The following SLC24A2 variants were observed in gnomAD, a reference collection of about 807,000 sequenced individuals.
The protein encoded by SLC24A2 is sodium/potassium/calcium exchanger 2.
In SLC24A2, 36 loss-of-function variants were observed where a neutral mutation model predicts 62.0. That is an observed-to-expected ratio of 0.58 (90% CI 0.44 to 0.77). The LOEUF (loss-of-function observed/expected upper bound fraction) is 0.77. Ranked by LOEUF, SLC24A2 falls within the 30% of genes least tolerant of loss-of-function variation. The pLI, the probability that SLC24A2 is intolerant of heterozygous loss-of-function variation, is 0.00. For missense variants in SLC24A2, 846 were observed against 817.9 expected (o/e 1.03, Z -0.42); for synonymous variants, 358 against 294.0 (o/e 1.22, Z -2.23).
intron 2 of SLC24A2, among the ~76,000 whole-genome samples, chr9:19,778,949 G>A (rs550265066): frequency 1.3e-5 from 2 of 152,256 alleles, no homozygotes; most frequent in Non-Finnish European, 2.9e-5. Flanking sequence ...ACAATGAAAA[G>A]CTACCTAACA....
At chr9:20,156,633 A>G in the SLC24A2 span, among the ~76,000 whole-genome samples, 2 of 151,704 alleles carry the variant, frequency 1.3e-5, no homozygotes, top group Admixed American at 6.6e-5. Context: ...AGGGAAACTT[A>G]ATTTCCTTTT....
chr9:19,690,479 G>A (rs1190781484), intron 2 of SLC24A2, among the ~76,000 whole-genome samples: 1 of 152,122 alleles, frequency 6.6e-6, no homozygotes, highest in East Asian at 1.9e-4. Flanking sequence ...TTCCTCTGGG[G>A]ATGGTAAGCT....
chr9:19,611,900 C>T (rs771831492), intron 4 of SLC24A2, among the ~76,000 whole-genome samples: 68 of 152,118 alleles, frequency 4.5e-4, no homozygotes, highest in Non-Finnish European at 9.0e-4. Context: ...ATCTGAGAAG[C>T]ATGACACTTG....
chr9:20,196,229 C>T, the SLC24A2 span, among the ~76,000 whole-genome samples: 1 of 152,118 alleles, frequency 6.6e-6, no homozygotes, highest in African/African-American at 2.4e-5. Context: ...CATCTTTTTA[C>T]AGTTTACCTT....
the SLC24A2 span, among the ~76,000 whole-genome samples, chr9:20,059,166 T>A: frequency 3.9e-5 from 6 of 152,188 alleles, no homozygotes; most frequent in East Asian, 7.7e-4. Context: ...AATTCCAAGA[T>A]GAGAAGATTA....
the SLC24A2 span, among the ~76,000 whole-genome samples, chr9:20,261,523 G>A: frequency 6.6e-6 from 1 of 152,054 alleles, no homozygotes; most frequent in Non-Finnish European, 1.5e-5. Flanking sequence ...ATTCATGAGG[G>A]CGCCGCCCTC....
At chr9:19,542,843 T>A (rs964663469) in intron 8 of SLC24A2, among the ~76,000 whole-genome samples, 1 of 152,186 alleles carries the variant, frequency 6.6e-6, no homozygotes, top group African/African-American at 2.4e-5. Flanking sequence ...TTTGCCAGTA[T>A]TTTATTGGGG....
the SLC24A2 span, among the ~76,000 whole-genome samples, chr9:20,201,112 CAG>C: frequency 6.6e-6 from 1 of 152,176 alleles, no homozygotes; most frequent in Non-Finnish European, 1.5e-5. Context: ...GAGTGGGACA[CAG>C]AGCTGGAATG....
the SLC24A2 span, among the ~76,000 whole-genome samples, chr9:20,018,504 C>G: frequency 6.6e-6 from 1 of 152,162 alleles, no homozygotes; most frequent in South Asian, 2.1e-4. Flanking sequence ...TCTTCTCCTT[C>G]TCCTCCTCCA....
At chr9:19,565,067 T>C (rs201516718) in intron 7 of SLC24A2, among the ~76,000 whole-genome samples, 1 of 152,086 alleles carries the variant, frequency 6.6e-6, no homozygotes, top group African/African-American at 2.4e-5. Flanking sequence ...CAGGGATGTC[T>C]TCTCTCACCA....
At chr9:19,552,327 T>C (rs746686589) in intron 7 of SLC24A2, among the ~76,000 whole-genome samples, 1 of 152,202 alleles carries the variant, frequency 6.6e-6, no homozygotes, top group Non-Finnish European at 1.5e-5. Flanking sequence ...ATAATCTTTG[T>C]GTCATGGGGC....
intron 2 of SLC24A2, among the ~76,000 whole-genome samples, chr9:19,637,435 T>C (rs1818387929): frequency 6.6e-6 from 1 of 152,198 alleles, no homozygotes. Flanking sequence ...ATTGCCCCTC[T>C]GTAGGCTTTG....
the SLC24A2 span, among the ~76,000 whole-genome samples, chr9:19,971,632 C>T: frequency 6.6e-6 from 1 of 152,142 alleles, no homozygotes; most frequent in Non-Finnish European, 1.5e-5. Flanking sequence ...CAGGGTCTCT[C>T]CTGGGCAGGA....
the SLC24A2 span, among the ~76,000 whole-genome samples, chr9:20,227,059 TA>T: frequency 6.6e-6 from 1 of 152,208 alleles, no homozygotes; most frequent in Non-Finnish European, 1.5e-5. Flanking sequence ...ACACTGGTGG[TA>T]ACTTTATCTC....
chr9:20,277,805 T>C, the SLC24A2 span, among the ~76,000 whole-genome samples: 36 of 152,214 alleles, frequency 2.4e-4, no homozygotes, highest in Non-Finnish European at 1.5e-5. Flanking sequence ...ACTGCAGCAC[T>C]GTTCACAATA....
At chr9:20,187,223 T>C in the SLC24A2 span, among the ~76,000 whole-genome samples, 1 of 152,186 alleles carries the variant, frequency 6.6e-6, no homozygotes, top group Non-Finnish European at 1.5e-5. Context: ...ACCTCAAATA[T>C]GGCATTGTTT....
At chr9:19,709,512 C>T (rs559307934) in intron 2 of SLC24A2, among the ~76,000 whole-genome samples, 1 of 152,034 alleles carries the variant, frequency 6.6e-6, no homozygotes, top group East Asian at 1.9e-4. Flanking sequence ...ACCCAAATGT[C>T]CAACAACGAT....
At chr9:19,991,242 G>A in the SLC24A2 span, among the ~76,000 whole-genome samples, 1 of 152,030 alleles carries the variant, frequency 6.6e-6, no homozygotes, top group Non-Finnish European at 1.5e-5. Flanking sequence ...AGAGCCCCTA[G>A]CAAGCCACTG....
At chr9:19,551,621 C>G (rs1402520711) in intron 7 of SLC24A2, among the ~76,000 whole-genome samples, 1 of 152,152 alleles carries the variant, frequency 6.6e-6, no homozygotes, top group African/African-American at 2.4e-5. Context: ...TTAGAAAGCT[C>G]CTACCCCTGG....
Sources: allele counts gnomAD v4.1 joint callset (sites outside exome capture counted in the v4.1 genomes callset), GRCh38; gene constraint gnomAD v4.1.1; transcripts MANE v1.5; gene names NCBI Gene and HGNC (gene_info 2026-07-23, HGNC 2026-07-21).